KIAA1217: variants seen among roughly 807,000 people sequenced by gnomAD.
The protein encoded by KIAA1217 is sickle tail protein homolog.
Under a neutral mutation model 163.9 loss-of-function variants are expected in KIAA1217, and 88 were observed. The ratio of observed to expected loss-of-function variants is 0.54; its 90% confidence interval spans 0.45 to 0.64. The LOEUF is 0.64. Among genes scored for constraint, KIAA1217 ranks in the 30% least tolerant of loss-of-function variants. The probability of loss-of-function intolerance (pLI) is 0.00; values close to 1 mark genes in which losing one functional copy is unlikely to be tolerated. For synonymous variants in KIAA1217, 903 were observed against 923.1 expected (o/e 0.98, Z 0.39); for missense variants, 2,372 against 2,475.0 (o/e 0.96, Z 0.88).
At chr10:24,220,381 A>G (rs527952499) in intron 2 of KIAA1217, among the ~76,000 whole-genome samples, 1 of 152,062 alleles carries the variant, frequency 6.6e-6, no homozygotes, top group South Asian at 2.1e-4. Context: ...TAGATCTTAC[A>G]GATACAGACT....
chr10:23,853,547 T>C (rs1223678158), intron 1 of KIAA1217, among the ~76,000 whole-genome samples: 1 of 152,186 alleles, frequency 6.6e-6, no homozygotes, highest in Non-Finnish European at 1.5e-5. Context: ...TTAGGGAGTA[T>C]TCCCTCTTTT....
At position 23,747,077 on chromosome 10, in the gene KIAA1217, G is replaced by A. The variant is rs59486842; in HGVS notation, c.-321+51843G>A. ...CCATCAGGAAGGAAGCGAAGACTAC[G>A]CAGGGCCTAGGGGACTATCTCATTT... On this transcript the variant is annotated intron_variant, in intron 1 of 18. Coordinates refer to the KIAA1217 transcript ENST00000376462. Among the ~76,000 whole-genome samples, 499 of 152,294 alleles carry A rather than the reference G, an allele frequency of 3.3e-3. 1 individual carries two copies. The highest frequency in any genetic ancestry group is 0.011 in the African/African-American group (472 of 41,544).
At chr10:23,956,450 G>T (rs1325424398) in intron 1 of KIAA1217, among the ~76,000 whole-genome samples, 1 of 151,864 alleles carries the variant, frequency 6.6e-6, no homozygotes, top group Non-Finnish European at 1.5e-5. Context: ...CAAGGCAGTG[G>T]GCTAATTACC....
chr10:24,175,490 A>C (rs1400478839), intron 2 of KIAA1217, among the ~76,000 whole-genome samples: 1 of 151,680 alleles, frequency 6.6e-6, no homozygotes, highest in Non-Finnish European at 1.5e-5. Context: ...TTCCTGAGTT[A>C]CTTCAATTAG....
chr10:23,763,689 G>A lies in KIAA1217; in HGVS notation c.-321+68455G>A, dbSNP rs529423104. On this transcript the variant is annotated intron_variant, in intron 1 of 18. Transcript: ENST00000376462. ...AATACCATTCAGGACATAAGCATGG[G>A]CGAAGACTTCATGACAAGCCAAAAG... Among the ~76,000 whole-genome samples, 7 of 152,280 alleles carry A rather than the reference G, an allele frequency of 4.6e-5. No individual in the cohort carries two copies. The South Asian group carries it at 1.2e-3, about 27-fold the overall frequency.
chr10:23,813,051 C>T (rs182589356), intron 1 of KIAA1217, among the ~76,000 whole-genome samples: 1 of 152,156 alleles, frequency 6.6e-6, no homozygotes, highest in African/African-American at 2.4e-5. Flanking sequence ...GTTACATGTT[C>T]ACCAGCAGCA....
At chr10:24,122,779 T>C (rs1250280673) in intron 2 of KIAA1217, among the ~76,000 whole-genome samples, 1 of 152,122 alleles carries the variant, frequency 6.6e-6, no homozygotes, top group Non-Finnish European at 1.5e-5. Context: ...GTTTACTTTT[T>C]AGTTTTTATG....
chr10:23,937,677 T>C (rs141675302), intron 1 of KIAA1217, among the ~76,000 whole-genome samples: 4 of 152,178 alleles, frequency 2.6e-5, no homozygotes, highest in Non-Finnish European at 5.9e-5. Context: ...TTAACTTAAT[T>C]TGGCATCATC....
At chr10:24,447,281 A>G (rs1159542316) in intron 5 of KIAA1217, among the ~76,000 whole-genome samples, 1 of 151,672 alleles carries the variant, frequency 6.6e-6, no homozygotes, top group African/African-American at 2.4e-5. Context: ...GTTCTGGGGT[A>G]CATGTGCACA....
intron 1 of KIAA1217, among the ~76,000 whole-genome samples, chr10:23,815,936 A>T (rs1466129000): frequency 5.9e-5 from 9 of 152,208 alleles, no homozygotes; most frequent in Admixed American, 5.9e-4. Context: ...AATTTACCAC[A>T]TAGCCCTTTC....
intron 1 of KIAA1217, among the ~76,000 whole-genome samples, chr10:23,722,858 C>T (rs542199689): frequency 2.6e-5 from 4 of 152,310 alleles, no homozygotes; most frequent in Non-Finnish European, 5.9e-5. Context: ...TACCATAGTT[C>T]TCACATTCCA....
chr10:23,733,021 GTT>G (rs35590383), intron 1 of KIAA1217, among the ~76,000 whole-genome samples: 2 of 147,828 alleles, frequency 1.4e-5, no homozygotes, highest in Non-Finnish European at 3.0e-5. Flanking sequence ...GTATGTTTTT[GTT>G]TTTTTTTTGA....
rs35800775 is a variant in KIAA1217 at position 24,195,970 on chromosome 10, AT to A, written c.-170-23647del. 6.5e-3 allele frequency among the ~76,000 whole-genome samples: 983 copies of A among 151,420 alleles called. 11 individuals are homozygous for A. Among genetic ancestry groups the A allele is most frequent in the Non-Finnish European group, 8.5e-3 (578 of 67,788 alleles). On this transcript the variant is annotated intron_variant, in intron 2 of 18. Transcript: ENST00000376462. ...ACAGCAAGATTCCATGTCTACAGAAATTTTTTTTTACATAATTATCCAGGTG... is the reference window on the plus strand; with the variant it reads ...ACAGCAAGATTCCATGTCTACAGAAATTTTTTTTACATAATTATCCAGGTG...
intron 5 of KIAA1217, among the ~76,000 whole-genome samples, chr10:24,444,397 GCT>G (rs2060750535): frequency 6.6e-6 from 1 of 152,274 alleles, no homozygotes; most frequent in East Asian, 1.9e-4. Flanking sequence ...TTTCGCTAAT[GCT>G]CTGTCAGAAT....
intron 2 of KIAA1217, among the ~76,000 whole-genome samples, chr10:24,140,564 G>A (rs1341554692): frequency 6.6e-6 from 1 of 152,064 alleles, no homozygotes; most frequent in Non-Finnish European, 1.5e-5. Context: ...AGATCCTCTG[G>A]ACAAAGGGAT....
rs1460718602 is a variant in KIAA1217 at position 24,528,207 on chromosome 10, C to A, written c.3082+88C>A. The A allele has an allele frequency of 1.6e-5, 16 of 1,023,016 alleles. No individual in the cohort carries two copies. In the Admixed American group the frequency reaches 1.8e-4, roughly 12 times the overall value. The allele number at this position is 1,023,016 out of a possible 1,614,324, so 63.4% of individuals were successfully genotyped here. On this transcript the variant is annotated intron_variant, in intron 14 of 20. Transcript: ENST00000376454. ...ATCCACGACAGCACATACTCATCAA[C>A]AGAACCAATGTCTCAGTTCTTACAA...
At chr10:24,249,561 G>C (rs1277502605) in intron 2 of KIAA1217, among the ~76,000 whole-genome samples, 1 of 152,008 alleles carries the variant, frequency 6.6e-6, no homozygotes, top group Non-Finnish European at 1.5e-5. Context: ...AATACCACTG[G>C]CTTTTTAAGA....
chr10:23,930,196 A>T (rs1843201739), intron 1 of KIAA1217, among the ~76,000 whole-genome samples: 1 of 151,902 alleles, frequency 6.6e-6, no homozygotes, highest in African/African-American at 2.4e-5. Flanking sequence ...TCTTTTGAGA[A>T]GTGTTTGTTC....
intron 2 of KIAA1217, among the ~76,000 whole-genome samples, chr10:24,029,279 C>G (rs1012902161): frequency 4.6e-5 from 7 of 152,224 alleles, no homozygotes; most frequent in African/African-American, 1.4e-4. Flanking sequence ...CCTTTCTTTA[C>G]AATGGACACT....
Sources: allele counts gnomAD v4.1 joint callset (sites outside exome capture counted in the v4.1 genomes callset), GRCh38; gene constraint gnomAD v4.1.1; transcripts MANE v1.5; gene names NCBI Gene and HGNC (gene_info 2026-07-23, HGNC 2026-07-21).